The following CD9 variants were observed in gnomAD, a reference collection of about 807,000 sequenced individuals.
CD9 encodes the protein CD9 antigen.
Under a neutral mutation model 31.4 loss-of-function variants are expected in CD9, and 10 were observed. The observed-to-expected ratio is 0.32, with a 90% CI of 0.20 to 0.54. CD9 has a LOEUF of 0.54. Among genes scored for constraint, CD9 ranks in the 20% least tolerant of loss-of-function variants. CD9 has a pLI of 0.94. For missense variants in CD9, 259 were observed against 300.1 expected, an observed-to-expected ratio of 0.86 and a Z score of 1.01; for synonymous variants, 113 against 114.1, an observed-to-expected ratio of 0.99 and a Z score of 0.06.
chr12:6,213,098 G>A (rs929595623), intron 1 of CD9, among the ~76,000 whole-genome samples: 4 of 152,214 alleles, frequency 2.6e-5, no homozygotes, highest in Non-Finnish European at 4.4e-5. Flanking sequence ...CTGGGACTAA[G>A]GGGATATTTA....
At chr12:6,217,972 C>T (rs967073298) in intron 1 of CD9, among the ~76,000 whole-genome samples, 1 of 152,118 alleles carries the variant, frequency 6.6e-6, no homozygotes, top group Non-Finnish European at 1.5e-5. Flanking sequence ...TGCTTGTAAT[C>T]CCAGCACTTT....
Position 6,225,481 on chromosome 12 carries a change from C to T in CD9, c.122C>T (p.Thr41Ile). 6.2e-7 allele frequency: 1 copy of T among 1,613,774 alleles called. No individual in the cohort carries two copies. Among genetic ancestry groups the T allele is most frequent in the Admixed American group, 1.7e-5 (1 of 60,010 alleles). ...CTATGGCTCCGATTCGACTCTCAGA[C>T]CAAGAGCATCTTCGAGCAAGAAACT... ...IGLWLRFDSQ[T>I]KSIFEQETNN... is the part of the protein sequence containing the mutation. The change falls in exon 2 of 8, where the codon ACC (threonine) becomes ATC (isoleucine). Residue 41 changes from threonine (T) to isoleucine (I), a missense_variant. Transcript: ENST00000009180.
intron 2 of CD9, among the ~76,000 whole-genome samples, chr12:6,228,939 G>A (rs963335641): frequency 2.0e-5 from 3 of 152,256 alleles, no homozygotes; most frequent in Non-Finnish European, 1.5e-5. Flanking sequence ...CTCCAGTGGG[G>A]CCACAGCTTA....
intron 1 of CD9, among the ~76,000 whole-genome samples, chr12:6,220,468 C>T (rs1005580023): frequency 3.9e-5 from 6 of 152,118 alleles, no homozygotes; most frequent in Admixed American, 3.9e-4. Flanking sequence ...GTTAAGACGC[C>T]AGCTCAGGGG....
chr12:6,215,294 T>A (rs1946233465), intron 1 of CD9, among the ~76,000 whole-genome samples: 1 of 152,202 alleles, frequency 6.6e-6, no homozygotes, highest in Admixed American at 6.5e-5. Context: ...ATTCTCTGGA[T>A]TCAGAACCCC....
intron 1 of CD9, among the ~76,000 whole-genome samples, chr12:6,208,547 A>AG (rs1429612691): frequency 3.3e-5 from 5 of 152,114 alleles, no homozygotes; most frequent in African/African-American, 1.2e-4. Context: ...CAAGGATTTT[A>AG]GTTTTTTTTG....
intron 2 of CD9, among the ~76,000 whole-genome samples, chr12:6,227,683 C>T (rs1218783268): frequency 6.6e-6 from 1 of 152,146 alleles, no homozygotes; most frequent in African/African-American, 2.4e-5. Context: ...GAGGCAGGGC[C>T]AGGTTTTGAA....
At chr12:6,234,744 T>C (rs1344859680) in intron 4 of CD9, among the ~76,000 whole-genome samples, 1 of 152,250 alleles carries the variant, frequency 6.6e-6, no homozygotes, top group Non-Finnish European at 1.5e-5. Flanking sequence ...AGGCTTAACA[T>C]GCAATATTTC....
chr12:6,200,384 C>A (rs940399558), upstream of CD9: 2 of 663,768 alleles, frequency 3.0e-6, no homozygotes, highest in Non-Finnish European at 5.6e-6. Flanking sequence ...AAAAGTGCAG[C>A]CGGAGACCAG....
rs1946544960 is a variant in CD9 at position 6,238,238 on chromosome 12, A to G, written c.*410A>G. ...ACTTATATTGAAGACAATTTGATACATAATAAAAAATTATGACAATGTCCT... is the reference window on the plus strand; with the variant it reads ...ACTTATATTGAAGACAATTTGATACGTAATAAAAAATTATGACAATGTCCT... On this transcript the variant is annotated 3_prime_UTR_variant, in exon 8 of 8. Coordinates refer to ENST00000009180, the MANE Select transcript of CD9 (RefSeq NM_001769.4). 6.4e-6 allele frequency: 1 copy of G among 155,290 alleles called. No homozygotes were observed. The highest frequency in any genetic ancestry group is 2.4e-5 in the African/African-American group (1 of 41,496). 9.6% of individuals were successfully genotyped at this position (155,290 alleles called of 1,614,324 possible).
intron 2 of CD9, among the ~76,000 whole-genome samples, chr12:6,230,361 C>T (rs371539301): frequency 1.6e-4 from 24 of 152,374 alleles, no homozygotes; most frequent in African/African-American, 5.8e-4. Context: ...AGCATGTTCT[C>T]TTTCTCTGCG....
rs748870085 is a variant in CD9, at chr12:6,232,628, G to T, written c.176-4G>T. 4.5e-6 allele frequency: 7 copies of T among 1,557,498 alleles called. No individual in the cohort carries two copies. Among genetic ancestry groups the T allele is most frequent in the South Asian group, 2.4e-5 (2 of 85,034 alleles). On this transcript the variant is annotated splice_region_variant and splice_polypyrimidine_tract_variant and intron_variant, in intron 2 of 7. Coordinates refer to ENST00000009180, the MANE Select transcript of CD9 (RefSeq NM_001769.4). The surrounding 1 kb of genome is among the most constrained non-coding windows in gnomAD (Gnocchi z 4.8). ...GCGTGTGTGCTTCCTCTGTCCTCCC[G>T]CAGGAGTCTATATTCTGATCGGAGC...
At chr12:6,224,778 C>T (rs1050616771) in intron 1 of CD9, among the ~76,000 whole-genome samples, 1 of 152,096 alleles carries the variant, frequency 6.6e-6, no homozygotes, top group African/African-American at 2.4e-5. Context: ...GCAGTGCCAG[C>T]GAGGGGAGGC....
chr12:6,233,647 G>A (rs1205362883), intron 4 of CD9, among the ~76,000 whole-genome samples, 161 bp downstream of exon 4: 1 of 152,116 alleles, frequency 6.6e-6, no homozygotes, highest in Non-Finnish European at 1.5e-5. Flanking sequence ...GCCCTCCTCG[G>A]GGCAGGGAAT....
At chr12:6,200,822 G>C (rs532020569) in intron 1 of CD9, 1 of 419,294 alleles carries the variant, frequency 2.4e-6, no homozygotes, top group Admixed American at 4.6e-5. Context: ...CTCTTGAGAT[G>C]AGGCGTGCGG....
chr12:6,207,517 A>G (rs1468538944), intron 1 of CD9, among the ~76,000 whole-genome samples: 1 of 152,232 alleles, frequency 6.6e-6, no homozygotes, highest in East Asian at 1.9e-4. Context: ...ATGATCTTCC[A>G]GCCAGGTTGG....
At chr12:6,204,591 C>T (rs1946110582) in intron 1 of CD9, among the ~76,000 whole-genome samples, 1 of 152,138 alleles carries the variant, frequency 6.6e-6, no homozygotes. Context: ...TACCTTAGTA[C>T]TTGGCCTAGT....
At chr12:6,225,643 G>C (rs1946355372) in intron 2 of CD9, 109 bp downstream of exon 2, 1 of 690,532 alleles carries the variant, frequency 1.4e-6, no homozygotes, top group Non-Finnish European at 2.6e-6. Context: ...AAAGACTTTT[G>C]CTCTAGCCAC....
intron 2 of CD9, 134 bp downstream of exon 2, chr12:6,225,668 TC>T (rs1946355916): frequency 3.3e-6 from 2 of 614,558 alleles, no homozygotes; most frequent in South Asian, 3.9e-5. Flanking sequence ...GCCAGTCGTG[TC>T]CCTTTCAAGT....
Sources: allele counts gnomAD v4.1 joint callset (sites outside exome capture counted in the v4.1 genomes callset), GRCh38; gene constraint gnomAD v4.1.1; non-coding constraint Gnocchi (gnomAD v3.1); transcripts MANE v1.5; gene names NCBI Gene and HGNC (gene_info 2026-07-23, HGNC 2026-07-21).